Variants in DCK observed in about 807,000 individuals in gnomAD.
The protein encoded by DCK is deoxycytidine kinase.
Under a neutral mutation model 38.3 loss-of-function variants are expected in DCK, and 23 were observed. The observed-to-expected ratio is 0.60, with a 90% CI of 0.43 to 0.85. The LOEUF (loss-of-function observed/expected upper bound fraction) is 0.85, where lower values mean the gene tolerates loss of function less well. Ranked by LOEUF, DCK falls within the 40% of genes least tolerant of loss-of-function variation. The pLI is 0.00. For missense variants in DCK, 259 were observed against 304.4 expected (o/e 0.85, Z 1.11); for synonymous variants, 108 against 100.6 (o/e 1.07, Z -0.44).
At chr4:71,005,356 C>A (rs1387470018) in intron 2 of DCK, among the ~76,000 whole-genome samples, 1 of 151,940 alleles carries the variant, frequency 6.6e-6, no homozygotes, top group Non-Finnish European at 1.5e-5. Context: ...GCAGAAATCA[C>A]CCGTCTTCTG....
chr4:71,018,941 G>C (rs537885152), intron 2 of DCK, among the ~76,000 whole-genome samples: 8 of 152,100 alleles, frequency 5.3e-5, no homozygotes, highest in Admixed American at 2.0e-4. Context: ...CAAAGTGCTG[G>C]GATTACAGGC....
chr4:71,005,260 C>G (rs1260423179), intron 2 of DCK, among the ~76,000 whole-genome samples: 6 of 151,604 alleles, frequency 4.0e-5, no homozygotes, highest in Admixed American at 1.3e-4. Context: ...AGGCGATGCC[C>G]CACCCTGCTT....
chr4:71,027,031 T>C (rs1172966437), intron 6 of DCK, among the ~76,000 whole-genome samples: 1 of 152,022 alleles, frequency 6.6e-6, no homozygotes, highest in East Asian at 1.9e-4. Context: ...TTTTTTATCC[T>C]TTAGTGCCTC....
At chr4:71,010,488 G>A (rs1195082141) in intron 2 of DCK, among the ~76,000 whole-genome samples, 1 of 150,596 alleles carries the variant, frequency 6.6e-6, no homozygotes, top group African/African-American at 2.4e-5. Context: ...AGCTGTCTCT[G>A]TCTTGTTTTT....
chr4:71,028,676 A>C (rs1357813025), intron 6 of DCK: 21 of 444,252 alleles, frequency 4.7e-5, no homozygotes, highest in Non-Finnish European at 8.1e-5. Flanking sequence ...GCTCACTGCC[A>C]TCTCCACCTC....
intron 2 of DCK, among the ~76,000 whole-genome samples, chr4:71,002,623 C>T (rs184502660): frequency 6.6e-6 from 1 of 152,228 alleles, no homozygotes; most frequent in Admixed American, 6.5e-5. Flanking sequence ...TAAGAACTTG[C>T]ATTTTGAATC....
In DCK at chr4:71,015,059, A is replaced by G. The variant is rs1740222220; in HGVS notation, c.208-7308A>G. On this transcript the variant is annotated intron_variant, in intron 2 of 6. Transcript: ENST00000286648. Reference sequence around the variant, plus strand: ...AAAGAAGAAAACAGAGAAGAATCAAATAGACTCAATAAAAAATGACAAAGG... The same window carrying G: ...AAAGAAGAAAACAGAGAAGAATCAAGTAGACTCAATAAAAAATGACAAAGG... Among the ~76,000 whole-genome samples, 4 of 152,250 alleles carry G rather than the reference A, an allele frequency of 2.6e-5. No individual in the cohort carries two copies. In the South Asian group the frequency reaches 6.2e-4, roughly 24 times the overall value.
chr4:71,024,365 A>G (rs1740499251), intron 4 of DCK, among the ~76,000 whole-genome samples: 1 of 152,164 alleles, frequency 6.6e-6, no homozygotes, highest in Admixed American at 6.5e-5. Flanking sequence ...TAATGAATAC[A>G]GGATGACCAA....
intron 2 of DCK, among the ~76,000 whole-genome samples, chr4:71,018,975 T>A (rs1364840325): frequency 6.6e-6 from 1 of 152,148 alleles, no homozygotes; most frequent in Non-Finnish European, 1.5e-5. Flanking sequence ...CCTGGCTGGA[T>A]AAATTTTTAA....
At chr4:70,998,924 A>G (rs1739722996) in intron 2 of DCK, among the ~76,000 whole-genome samples, 1 of 151,106 alleles carries the variant, frequency 6.6e-6, no homozygotes, top group South Asian at 2.1e-4. Flanking sequence ...CACTGTCTCA[A>G]CAAAAAAAAA....
intron 2 of DCK, among the ~76,000 whole-genome samples, chr4:71,003,802 C>A (rs147044362): frequency 2.0e-3 from 301 of 152,266 alleles, no homozygotes; most frequent in African/African-American, 7.0e-3. Context: ...TTTTCAGCTC[C>A]ATCAGGTCAT....
At position 71,005,599 on chromosome 4, in the gene DCK, C is replaced by T. The variant is rs190271532; in HGVS notation, c.207+7417C>T. 8.2e-3 allele frequency among the ~76,000 whole-genome samples: 1,242 copies of T among 151,180 alleles called. 9 individuals carry two copies. Among genetic ancestry groups the T allele is most frequent in the African/African-American group, 0.028 (1,172 of 41,260 alleles). On this transcript the variant is annotated intron_variant, in intron 2 of 6. Coordinates refer to ENST00000286648, the MANE Select transcript of DCK (RefSeq NM_000788.3). The stretch of plus-strand genomic sequence containing the variant: ...TTGGCTCACCACAACCTCCGCCTCC[C>T]GGGTTCAAGCGATTCTCCTGCCTCA...
chr4:71,005,508 A>T (rs954318143), intron 2 of DCK, among the ~76,000 whole-genome samples: 9 of 142,534 alleles, frequency 6.3e-5, no homozygotes, highest in African/African-American at 2.3e-4. Context: ...GTCTTTTCTA[A>T]TTTTTTTTTT....
At chr4:71,015,015 G>A (rs747839949) in intron 2 of DCK, among the ~76,000 whole-genome samples, 6 of 152,186 alleles carry the variant, frequency 3.9e-5, no homozygotes, top group Non-Finnish European at 8.8e-5. Context: ...AAAATTGATA[G>A]ACCGCTAGCA....
At chr4:71,005,878 C>A (rs901621558) in intron 2 of DCK, among the ~76,000 whole-genome samples, 1 of 151,636 alleles carries the variant, frequency 6.6e-6, no homozygotes, top group African/African-American at 2.4e-5. Flanking sequence ...GTAATCCCAG[C>A]CCTTTGGGAG....
intron 1 of DCK, among the ~76,000 whole-genome samples, chr4:70,997,110 G>C (rs898322136): frequency 2.0e-5 from 3 of 152,122 alleles, no homozygotes; most frequent in Non-Finnish European, 2.9e-5. Flanking sequence ...GAATTTTTCT[G>C]CTTGTAAGCA....
rs1363713301 is a variant in DCK at position 71,015,024 on chromosome 4, CA to C, written c.208-7341del. On this transcript the variant is annotated intron_variant, in intron 2 of 6. Transcript: ENST00000286648. ...ATCAACAAAATTGATAGACCGCTAG[CA>C]AGACTAATAAAGAAGAAAACAGAGA... 2.0e-5 allele frequency among the ~76,000 whole-genome samples: 3 copies of C among 152,090 alleles called. No individual in the cohort carries two copies. In the East Asian group the frequency reaches 5.8e-4, roughly 29 times the overall value.
rs1578431152 is a variant in DCK at position 71,026,737 on chromosome 4, T to C, written c.738T>C (p.Tyr246=). Residue 246 remains tyrosine, a synonymous_variant, in exon 6 of 7, where the codon TAT becomes TAC. Transcript: ENST00000286648. ...LDVNEDFKDK[Y]ESLVEKVKEF... is the part of the protein sequence containing the mutation. ...TTAATGAAGACTTTAAAGACAAATA[T>C]GAAAGTCTGGTTGAAAAGGTAGATT... is the stretch of plus-strand genomic sequence containing the variant. 1 of 1,541,082 alleles carries C rather than the reference T, an allele frequency of 6.5e-7. No individual in the cohort carries two copies. The highest frequency in any genetic ancestry group is 1.4e-5 in the African/African-American group (1 of 73,192).
intron 6 of DCK, 33 bp downstream of exon 6, chr4:71,026,788 T>A: frequency 1.7e-6 from 2 of 1,152,740 alleles, no homozygotes; most frequent in Middle Eastern, 2.0e-4. Flanking sequence ...CAAATATTTG[T>A]TTTTTCTAAA....
Sources: gnomAD v4.1 joint callset for allele counts (sites outside exome capture counted in the v4.1 genomes callset) on GRCh38, gnomAD v4.1.1 for gene constraint, MANE v1.5 for transcripts, NCBI Gene and HGNC (gene_info 2026-07-23, HGNC 2026-07-21) for gene names.